The following AGPAT3 variants were observed in gnomAD, a reference collection of about 807,000 sequenced individuals.
AGPAT3 encodes 1-acyl-sn-glycerol-3-phosphate acyltransferase gamma.
In AGPAT3, 5 loss-of-function variants were observed where a neutral mutation model predicts 47.3. The ratio of observed to expected loss-of-function variants is 0.11; its 90% confidence interval spans 0.06 to 0.22. The LOEUF (loss-of-function observed/expected upper bound fraction) is 0.22, where lower values mean the gene tolerates loss of function less well. AGPAT3 is among the 10% of genes least tolerant of loss of function. The probability of loss-of-function intolerance (pLI) is 1.00; values close to 1 mark genes in which losing one functional copy is unlikely to be tolerated. For missense variants in AGPAT3, 315 were observed against 493.0 expected, an observed-to-expected ratio of 0.64 and a Z score of 3.42; for synonymous variants, 212 against 208.3, an observed-to-expected ratio of 1.02 and a Z score of -0.15.
chr21:43,948,378 C>T (rs186108474), intron 2 of AGPAT3: 1 of 152,218 alleles, frequency 6.6e-6, no homozygotes, highest in African/African-American at 2.4e-5. Flanking sequence ...CAAAAGCCTC[C>T]CTTAAAGCCC....
intron 2 of AGPAT3, among the ~76,000 whole-genome samples, chr21:43,910,483 A>T (rs1341617502): frequency 2.0e-5 from 3 of 152,186 alleles, no homozygotes; most frequent in Admixed American, 6.5e-5. Flanking sequence ...AATTAGGTGA[A>T]TACAGGTGAA....
intron 2 of AGPAT3, among the ~76,000 whole-genome samples, chr21:43,958,370 G>A (rs2088593683): frequency 6.6e-6 from 1 of 151,658 alleles, no homozygotes; most frequent in Admixed American, 6.6e-5. Flanking sequence ...TGTGTGTGGT[G>A]TAGAGTATGG....
chr21:43,910,212 C>T (rs1459739557), intron 2 of AGPAT3, among the ~76,000 whole-genome samples: 9 of 152,140 alleles, frequency 5.9e-5, no homozygotes, highest in South Asian at 2.1e-4. Flanking sequence ...CTGGGGAGTG[C>T]GTGTTCAGCC....
rs910297662 is a variant in AGPAT3 at position 43,942,434 on chromosome 21, C to T, written c.-48-17200C>T. Among the ~76,000 whole-genome samples the T allele has an allele frequency of 5.7e-4, 87 of 152,334 alleles. 1 individual carries two copies. The highest frequency in any genetic ancestry group is 2.0e-3 in the African/African-American group (83 of 41,584). ...CGCTCCTGAAGCACCTCTGCCTACC[C>T]TGCATTCGCCACACGTGCCCAGGTA... On this transcript the variant is annotated intron_variant, in intron 2 of 9. Transcript: ENST00000291572.
chr21:43,894,994 A>G (rs1259813548), intron 1 of AGPAT3, among the ~76,000 whole-genome samples: 2 of 151,830 alleles, frequency 1.3e-5, no homozygotes, highest in East Asian at 3.9e-4. Flanking sequence ...TATGTTTTCT[A>G]TCTTATTAAT....
intron 2 of AGPAT3, among the ~76,000 whole-genome samples, chr21:43,940,238 G>C (rs886524508): frequency 6.6e-6 from 1 of 152,264 alleles, no homozygotes; most frequent in Non-Finnish European, 1.5e-5. Context: ...GCACAGGACC[G>C]AGGGCTGAAG....
In AGPAT3 at chr21:43,922,900, C is replaced by A. The variant is rs2086935925; in HGVS notation, c.-49+18881C>A. ...GGTGGTGGCAGAGCCAGCCTGGGGT[C>A]TGGGCATGGGGCGCCTGTCCCCAGC... On this transcript the variant is annotated intron_variant, in intron 2 of 9. Coordinates refer to ENST00000291572, the MANE Select transcript of AGPAT3 (RefSeq NM_020132.5). The surrounding 1 kb of genome is among the most constrained non-coding windows in gnomAD (Gnocchi z 4.9). Among the ~76,000 whole-genome samples, 1 of 152,210 alleles carries A rather than the reference C, an allele frequency of 6.6e-6. No homozygotes were observed. The highest frequency in any genetic ancestry group is 2.4e-5 in the African/African-American group (1 of 41,454).
In AGPAT3 at chr21:43,975,649, G is replaced by A. The variant is rs529623238; in HGVS notation, c.768-2397G>A. Among the ~76,000 whole-genome samples, 5 of 152,342 alleles carry A rather than the reference G, an allele frequency of 3.3e-5. No homozygotes were observed. The South Asian group carries it at 1.0e-3, about 32-fold the overall frequency. The stretch of plus-strand genomic sequence containing the variant: ...CTTTCCTGCTCTGAGGTGCGTCGTC[G>A]CCCCCTCCTGGGCGCTGGGAGCACT... On this transcript the variant is annotated intron_variant, in intron 7 of 9. Coordinates refer to ENST00000291572, the MANE Select transcript of AGPAT3 (RefSeq NM_020132.5).
intron 2 of AGPAT3, chr21:43,916,339 C>T (rs1340858933): frequency 6.6e-6 from 1 of 152,192 alleles, no homozygotes; most frequent in African/African-American, 2.4e-5. Context: ...AAGGGACACG[C>T]ACGTCTCCTG....
intron 1 of AGPAT3, among the ~76,000 whole-genome samples, chr21:43,900,825 C>A (rs965543797): frequency 6.6e-6 from 1 of 152,130 alleles, no homozygotes; most frequent in Non-Finnish European, 1.5e-5. Flanking sequence ...AGCTTACGAG[C>A]GAGATCTGAA....
Position 43,969,205 on chromosome 21 carries a change from C to T in AGPAT3, c.436C>T (p.Arg146Trp). ...CTTTCTGGAGATTGTGTTCTGCAAG[C>T]GGAAGTGGGAGGAGGACCGGGACAC... is the stretch of plus-strand genomic sequence containing the variant. The part of the protein sequence containing the change: ...WYFLEIVFCK[R>W]KWEEDRDTVV... The change falls in exon 5 of 10, where the codon CGG (arginine) becomes TGG (tryptophan). Residue 146 changes from arginine to tryptophan, a missense_variant. Transcript: ENST00000291572. 2 of 1,614,190 alleles carry T rather than the reference C, an allele frequency of 1.2e-6. No individual in the cohort carries two copies. Among genetic ancestry groups the T allele is most frequent in the Non-Finnish European group, 1.7e-6 (2 of 1,180,020 alleles).
At chr21:43,931,869 T>C (rs2087255859) in intron 2 of AGPAT3, among the ~76,000 whole-genome samples, 1 of 151,892 alleles carries the variant, frequency 6.6e-6, no homozygotes, top group African/African-American at 2.4e-5. Context: ...ATCTCAATGT[T>C]CCATACAGGT....
chr21:43,938,545 C>A (rs1249551578), intron 2 of AGPAT3, among the ~76,000 whole-genome samples: 1 of 152,016 alleles, frequency 6.6e-6, no homozygotes, highest in East Asian at 1.9e-4. Flanking sequence ...CCACCAGCCT[C>A]GGCCTCCCAC....
rs141735430 is a variant in AGPAT3 at position 43,945,140 on chromosome 21, G to A, written c.-48-14494G>A. ...CAGCATGGGTGGCCCTGCAGGTGGC[G>A]GTTTGCATATGTGCACATCCAGCCA... On this transcript the variant is annotated intron_variant, in intron 2 of 9. Transcript: ENST00000291572. Among the ~76,000 whole-genome samples the A allele has an allele frequency of 1.7e-3, 265 of 152,330 alleles. 5 individuals carry two copies. The East Asian group carries it at 0.043, about 25-fold the overall frequency.
chr21:43,955,017 G>A lies in AGPAT3; in HGVS notation c.-48-4617G>A, dbSNP rs2088374586. The A allele has an allele frequency of 8.6e-7, 1 of 1,161,156 alleles. No homozygotes were observed. Among genetic ancestry groups the A allele is most frequent in the Non-Finnish European group, 1.1e-6 (1 of 917,962 alleles). 71.9% of individuals were successfully genotyped at this position (1,161,156 alleles called of 1,614,324 possible). A position where few individuals can be genotyped will look rare whatever the true frequency, so the allele number is the denominator to read the frequency against. On this transcript the variant is annotated intron_variant, in intron 2 of 9. Transcript: ENST00000291572. This position sits in a 1 kb window ranked among gnomAD's most constrained non-coding sequence, Gnocchi z 4.1. Reference sequence around the variant, plus strand: ...CGAGGGGAAGCTGCATCCACACAGAGGCTGGGACGTGAATGTGCATCACGG... The same window carrying A: ...CGAGGGGAAGCTGCATCCACACAGAAGCTGGGACGTGAATGTGCATCACGG...
chr21:43,923,990 C>T (rs1351090879), intron 2 of AGPAT3, among the ~76,000 whole-genome samples: 1 of 152,174 alleles, frequency 6.6e-6, no homozygotes, highest in African/African-American at 2.4e-5. Context: ...ACAGTAGATG[C>T]TCCCATCCTG....
rs2085823818 is a variant in AGPAT3, at chr21:43,880,063, A to AGG, written c.-112+14718_-112+14719insGG. ...TCCGGGGCGGAGGACGCAGCCCTGCATCCCTTGCGTCCCCAGGCATCTTAG... is the reference window on the plus strand; with the variant it reads ...TCCGGGGCGGAGGACGCAGCCCTGCAGGTCCCTTGCGTCCCCAGGCATCTTAG... On this transcript the variant is annotated intron_variant, in intron 1 of 9. Coordinates refer to ENST00000291572, the MANE Select transcript of AGPAT3 (RefSeq NM_020132.5). This position sits in a 1 kb window ranked among gnomAD's most constrained non-coding sequence, Gnocchi z 4.5. Among the ~76,000 whole-genome samples the AGG allele has an allele frequency of 6.6e-6, 1 of 152,200 alleles. No homozygotes were observed. The highest frequency in any genetic ancestry group is 1.5e-5 in the Non-Finnish European group (1 of 68,026).
chr21:43,887,582 A>G (rs750270248), intron 1 of AGPAT3, among the ~76,000 whole-genome samples: 31 of 152,392 alleles, frequency 2.0e-4, no homozygotes, highest in Admixed American at 5.2e-4. Context: ...AAGCGTGCGC[A>G]CACGCACACA....
At chr21:43,948,662 A>G (rs147457491) in intron 2 of AGPAT3, among the ~76,000 whole-genome samples, 1 of 152,390 alleles carries the variant, frequency 6.6e-6, no homozygotes, top group East Asian at 1.9e-4. Context: ...TCATATAATT[A>G]TGCCTTTAAA....
Sources: allele counts gnomAD v4.1 joint callset (sites outside exome capture counted in the v4.1 genomes callset), GRCh38; gene constraint gnomAD v4.1.1; non-coding constraint Gnocchi (gnomAD v3.1); transcripts MANE v1.5; gene names NCBI Gene and HGNC (gene_info 2026-07-23, HGNC 2026-07-21).